Variants in SPTBN1 observed in about 807,000 individuals in gnomAD.
SPTBN1 encodes the protein spectrin beta, non-erythrocytic 1, also known as spectrin beta chain, non-erythrocytic 1.
SPTBN1 carries 32 observed loss-of-function variants against 266.4 expected under a neutral mutation model. The observed-to-expected ratio is 0.12, with a 90% CI of 0.09 to 0.16. SPTBN1 has a LOEUF of 0.16. Among genes scored for constraint, SPTBN1 ranks in the 10% least tolerant of loss-of-function variants. SPTBN1 has a pLI of 1.00. For missense variants in SPTBN1, 2,296 were observed against 3,067.1 expected (o/e 0.75, Z 5.94); for synonymous variants, 1,336 against 1,162.2 (o/e 1.15, Z -3.04).
At chr2:54,563,937 T>C (rs1453012628) in intron 2 of SPTBN1, among the ~76,000 whole-genome samples, 3 of 152,202 alleles carry the variant, frequency 2.0e-5, no homozygotes, top group Admixed American at 2.0e-4. Flanking sequence ...GTTGGATTAT[T>C]ATCCATCTGT....
At chr2:54,520,385 G>C (rs1670367596) in intron 1 of SPTBN1, 1 of 152,198 alleles carries the variant, frequency 6.6e-6, no homozygotes, top group Admixed American at 6.5e-5. Flanking sequence ...ACCTGTGGTA[G>C]CTCATGCCAG....
intron 12 of SPTBN1, among the ~76,000 whole-genome samples, chr2:54,627,725 T>G (rs1293334195): frequency 6.6e-6 from 1 of 152,198 alleles, no homozygotes; most frequent in Non-Finnish European, 1.5e-5. Context: ...TTCTTGAAGC[T>G]CCAGTTTATA....
intron 2 of SPTBN1, 91 bp downstream of exon 2, chr2:54,526,657 T>C (rs548768452): frequency 1.4e-6 from 2 of 1,432,440 alleles, no homozygotes; most frequent in Admixed American, 2.5e-5. Flanking sequence ...GACGCTGTCA[T>C]GTTCGAAGGT....
At chr2:54,484,207 A>T (rs1179386737) in intron 1 of SPTBN1, among the ~76,000 whole-genome samples, 5 of 152,096 alleles carry the variant, frequency 3.3e-5, no homozygotes, top group Non-Finnish European at 5.9e-5. Context: ...AAAACCAAAT[A>T]TGTCTGTTGG....
chr2:54,605,723 G>A lies in SPTBN1; in HGVS notation c.301-6438G>A, dbSNP rs549140944. 5.3e-5 allele frequency among the ~76,000 whole-genome samples: 8 copies of A among 152,328 alleles called. No homozygotes were observed. The East Asian group carries it at 9.6e-4, about 18-fold the overall frequency. On this transcript the variant is annotated intron_variant, in intron 3 of 35. Coordinates refer to ENST00000356805, the MANE Select transcript of SPTBN1 (RefSeq NM_003128.3). ...CTACTCTGAAGCAGATAGAACACAC[G>A]TTGTGGGAGTGTGTGGTGTACTTGA... is the stretch of plus-strand genomic sequence containing the variant.
At chr2:54,545,163 A>G (rs1404192369) in intron 2 of SPTBN1, among the ~76,000 whole-genome samples, 1 of 152,036 alleles carries the variant, frequency 6.6e-6, no homozygotes, top group Non-Finnish European at 1.5e-5. Context: ...CATTTTCTTT[A>G]TCCAATGTAT....
At chr2:54,621,355 A>G in intron 7 of SPTBN1, 45 bp from the exon 8 acceptor site, 1 of 1,476,942 alleles carries the variant, frequency 6.8e-7, no homozygotes, top group Non-Finnish European at 9.4e-7. Flanking sequence ...TGGGTGGGGC[A>G]CAGTAGCATG....
chr2:54,553,859 G>A lies in SPTBN1; in HGVS notation c.148+27293G>A, dbSNP rs192823790. 2.0e-5 allele frequency among the ~76,000 whole-genome samples: 3 copies of A among 152,296 alleles called. No individual in the cohort carries two copies. The East Asian group carries it at 5.8e-4, about 29-fold the overall frequency. On this transcript the variant is annotated intron_variant, in intron 2 of 35. Transcript: ENST00000356805. ...TCAAGCTTGCTGTAATGCAGGAAAA[G>A]CATTCATCTTTCTTTCCCCTCAAGA... is the stretch of plus-strand genomic sequence containing the variant.
intron 2 of SPTBN1, among the ~76,000 whole-genome samples, chr2:54,581,614 G>A (rs1367634106): frequency 3.3e-5 from 1 of 30,390 alleles, no homozygotes; most frequent in South Asian, 1.0e-3. Flanking sequence ...ACTTTTATTT[G>A]CTCTGGGACC....
Position 54,646,421 on chromosome 2 carries a change from C to G in SPTBN1, c.4812C>G (p.Ala1604=), listed in dbSNP as rs375138607. ...AGTACTACTTTGACGCTGCTGAGGC[C>G]GAAGCCTGGATGAGCGAGCAGGAGC... The part of the protein sequence containing the change: ...AQQYYFDAAE[A]EAWMSEQELY... The change falls in exon 23 of 36, where the codon GCC becomes GCG. Residue 1604 remains alanine, a synonymous_variant. Transcript: ENST00000356805. The surrounding 1 kb of genome is among the most constrained non-coding windows in gnomAD (Gnocchi z 4.4). The G allele has an allele frequency of 6.3e-7, 1 of 1,593,334 alleles. No individual in the cohort carries two copies. The highest frequency in any genetic ancestry group is 8.5e-7 in the Non-Finnish European group (1 of 1,169,826).
intron 2 of SPTBN1, among the ~76,000 whole-genome samples, chr2:54,587,498 G>T (rs1214673158): frequency 6.6e-6 from 1 of 152,138 alleles, no homozygotes; most frequent in African/African-American, 2.4e-5. Flanking sequence ...TAAGTGTATG[G>T]TATCTATTTA....
rs372955210 is a variant in SPTBN1, at chr2:54,636,730, C to CA, written c.3768-983_3768-982insA. Among the ~76,000 whole-genome samples, 248 of 152,336 alleles carry CA rather than the reference C, an allele frequency of 1.6e-3. 4 individuals are homozygous for CA. The South Asian group carries it at 0.036, about 22-fold the overall frequency. On this transcript the variant is annotated intron_variant, in intron 17 of 35. Transcript: ENST00000356805. ...GGCAGAGAGAAATTGCTCTAAGAAT[C>CA]GAATGAAAACCCAGCTCTCCTCAGT... is the stretch of plus-strand genomic sequence containing the variant.
At chr2:54,557,234 G>T (rs1229187863) in intron 2 of SPTBN1, among the ~76,000 whole-genome samples, 1 of 152,162 alleles carries the variant, frequency 6.6e-6, no homozygotes, top group Non-Finnish European at 1.5e-5. Context: ...AAGTGCCCTG[G>T]GGACTGAGGT....
intron 1 of SPTBN1, among the ~76,000 whole-genome samples, chr2:54,486,086 G>A (rs1309533920): frequency 2.7e-5 from 4 of 149,516 alleles, no homozygotes; most frequent in African/African-American, 2.5e-5. Context: ...CACCCTGTCC[G>A]GGAGGGAGGT....
chr2:54,655,325 T>C (rs931821815), intron 28 of SPTBN1, 117 bp downstream of exon 28: 5 of 1,336,654 alleles, frequency 3.7e-6, no homozygotes, highest in Non-Finnish European at 5.1e-6. Flanking sequence ...CACACACATA[T>C]GTTTTAAAAC....
Position 54,646,579 on chromosome 2 carries a change from G to A in SPTBN1, c.4866+104G>A. 1.5e-6 allele frequency: 2 copies of A among 1,323,928 alleles called. No homozygotes were observed. Among genetic ancestry groups the A allele is most frequent in the South Asian group, 1.8e-5 (1 of 54,404 alleles). 82.0% of individuals were successfully genotyped at this position (1,323,928 alleles called of 1,614,324 possible). On this transcript the variant is annotated intron_variant, in intron 23 of 35. Coordinates refer to ENST00000356805, the MANE Select transcript of SPTBN1 (RefSeq NM_003128.3). The surrounding 1 kb of genome is among the most constrained non-coding windows in gnomAD (Gnocchi z 4.4). ...TGTCTGTATAAAAACTTCCCTTGTA[G>A]CCTTTGAGTGTTAAGGGGACACCAT... is the stretch of plus-strand genomic sequence containing the variant.
intron 32 of SPTBN1, chr2:54,660,856 C>CG: frequency 1.0e-6 from 1 of 985,416 alleles, no homozygotes; most frequent in African/African-American, 1.7e-5. Flanking sequence ...ACGTGGGACG[C>CG]GGCAGGTGAC....
chr2:54,456,528 G>A lies in SPTBN1; in HGVS notation c.-48+10G>A, dbSNP rs1573183923. 6.6e-6 allele frequency: 1 copy of A among 151,874 alleles called. No homozygotes were observed. The highest frequency in any genetic ancestry group is 2.4e-5 in the African/African-American group (1 of 41,392). 9.4% of individuals were successfully genotyped at this position (151,874 alleles called of 1,614,324 possible). A position where few individuals can be genotyped will look rare whatever the true frequency, so the allele number is the denominator to read the frequency against. On this transcript the variant is annotated intron_variant, in intron 1 of 35. Transcript: ENST00000356805. The stretch of plus-strand genomic sequence containing the variant: ...ACCCCATCCCCGGGAGGTAGGTAGG[G>A]GGCCCGAGGCAGGGAGATGCCAACT...
chr2:54,590,746 T>C (rs968998446), intron 2 of SPTBN1, among the ~76,000 whole-genome samples: 2 of 152,080 alleles, frequency 1.3e-5, no homozygotes, highest in Non-Finnish European at 2.9e-5. Flanking sequence ...ACCTGTTAGG[T>C]TGGAACAAAA....
Sources: allele counts gnomAD v4.1 joint callset (sites outside exome capture counted in the v4.1 genomes callset), GRCh38; gene constraint gnomAD v4.1.1; non-coding constraint Gnocchi (gnomAD v3.1); transcripts MANE v1.5; gene names NCBI Gene and HGNC (gene_info 2026-07-23, HGNC 2026-07-21).